Variants in HYAL1 observed in about 807,000 individuals in gnomAD.
HYAL1 encodes hyaluronidase-1.
HYAL1 carries 21 observed loss-of-function variants against 28.8 expected under a neutral mutation model. The observed-to-expected ratio is 0.73, with a 90% confidence interval of 0.52 to 1.05. HYAL1 has a LOEUF of 1.05. Ranked by LOEUF, HYAL1 falls within the 50% of genes least tolerant of loss-of-function variation. HYAL1 has a pLI of 0.00. For synonymous variants in HYAL1, 200 were observed against 230.1 expected (o/e 0.87, Z 1.18); for missense variants, 491 against 579.2 (o/e 0.85, Z 1.56).
rs1450910661 is a variant in HYAL1 at position 50,301,090 on chromosome 3, C to T, written c.901-13G>A. 1.9e-6 allele frequency: 3 copies of T among 1,583,704 alleles called. No individual in the cohort carries two copies. The East Asian group carries it at 6.7e-5, about 35-fold the overall frequency. On this transcript the variant is annotated splice_polypyrimidine_tract_variant and intron_variant, in intron 2 of 3. Transcript: ENST00000395144. ...GCTCCAGCTCATCCTGGGAAGGAGA[C>T]AGCACAGCTCTGTGGGGCCTCCTTC...
chr3:50,308,891 T>G lies in HYAL1; in HGVS notation c.-191+768A>C, dbSNP rs587632225. The stretch of plus-strand genomic sequence containing the variant: ...GATTACAGGTGCACACCACTACACC[T>G]GGCTAATTTTTGTATTTTTAGTAGA... On this transcript the variant is annotated intron_variant, in intron 2 of 5. Coordinates refer to the HYAL1 transcript ENST00000320295. Among the ~76,000 whole-genome samples the G allele has an allele frequency of 3.9e-4, 58 of 149,758 alleles. 3 individuals carry two copies. The highest frequency in any genetic ancestry group is 1.4e-3 in the African/African-American group (56 of 39,764).
chr3:50,306,219 CTT>C (rs1173166946), upstream of HYAL1, among the ~76,000 whole-genome samples: 58 of 84,434 alleles, frequency 6.9e-4, no homozygotes, highest in Middle Eastern at 8.1e-3. Context: ...CTGTACAACT[CTT>C]TTTTTTTTTT....
chr3:50,306,478 C>T (rs1255408146), upstream of HYAL1, among the ~76,000 whole-genome samples: 5 of 151,214 alleles, frequency 3.3e-5, no homozygotes, highest in African/African-American at 1.2e-4. Context: ...CATTTAACAA[C>T]CAGCTGGTGT....
intron 1 of HYAL1, among the ~76,000 whole-genome samples, chr3:50,310,291 G>A (rs1279313759): frequency 7.2e-6 from 1 of 138,880 alleles, no homozygotes; most frequent in Non-Finnish European, 1.5e-5. Flanking sequence ...TTGAGACAGA[G>A]TCCCGCTCTG....
intron 1 of HYAL1, among the ~76,000 whole-genome samples, chr3:50,311,839 C>T (rs1348673798): frequency 8.8e-5 from 12 of 136,692 alleles, no homozygotes; most frequent in Admixed American, 1.5e-4. Context: ...GCTGGCCAGG[C>T]GGGGGGCTGA....
At chr3:50,310,668 C>T (rs1487788424) in intron 1 of HYAL1, among the ~76,000 whole-genome samples, 2 of 148,240 alleles carry the variant, frequency 1.3e-5, no homozygotes, top group African/African-American at 5.0e-5. Context: ...GGCAGGGTCA[C>T]AGGACAATAG....
rs1354541662 is a variant in HYAL1 at position 50,301,069 on chromosome 3, C to T, written c.909G>A (p.Leu303=). ...CCGCACTCTCCCCCAGGCTGTGCTC[C>T]AGCTCATCCTGGGAAGGAGACAGCA... ...TTNHFLPLDE[L]EHSLGESAAQ... The change falls in exon 3 of 4, where the codon CTG becomes CTA. Residue 303 remains leucine, a synonymous_variant. Coordinates refer to ENST00000395144, the MANE Select transcript of HYAL1 (RefSeq NM_033159.4). The T allele has an allele frequency of 4.3e-6, 7 of 1,611,462 alleles. No individual in the cohort carries two copies. Among genetic ancestry groups the T allele is most frequent in the Non-Finnish European group, 5.9e-6 (7 of 1,178,006 alleles).
At chr3:50,311,137 T>C (rs1456076705) in intron 1 of HYAL1, among the ~76,000 whole-genome samples, 1 of 151,200 alleles carries the variant, frequency 6.6e-6, no homozygotes, top group African/African-American at 2.4e-5. Context: ...GACGGGGTGG[T>C]GGCCGGGCAG....
chr3:50,310,756 A>G (rs1167983358), intron 1 of HYAL1, among the ~76,000 whole-genome samples: 1 of 150,632 alleles, frequency 6.6e-6, no homozygotes, highest in African/African-American at 2.5e-5. Context: ...GGCCTTCCGC[A>G]GTGTTTGTGT....
intron 2 of HYAL1, among the ~76,000 whole-genome samples, chr3:50,309,461 C>CAAAAAA (rs59958240): frequency 8.2e-5 from 5 of 60,928 alleles, no homozygotes; most frequent in Admixed American, 3.0e-4. Flanking sequence ...CAGACTCCAC[C>CAAAAAA]AAAAAAAAAA....
intron 2 of HYAL1, among the ~76,000 whole-genome samples, chr3:50,301,344 G>A (rs587725380): frequency 4.6e-5 from 7 of 152,346 alleles, no homozygotes; most frequent in South Asian, 2.1e-4. Flanking sequence ...CGCCAGGCGC[G>A]GTGGCTCATA....
intron 1 of HYAL1, among the ~76,000 whole-genome samples, chr3:50,311,370 T>G (rs1472570774): frequency 2.3e-5 from 3 of 130,164 alleles, no homozygotes; most frequent in Non-Finnish European, 4.9e-5. Flanking sequence ...GAGGGGCTCC[T>G]CACTTCCCAG....
intron 1 of HYAL1, among the ~76,000 whole-genome samples, chr3:50,310,267 T>C (rs1428094859): frequency 2.7e-5 from 4 of 145,938 alleles, no homozygotes; most frequent in East Asian, 3.9e-4. Context: ...AGCTGTGTGT[T>C]TTTTTTTTTT....
chr3:50,301,740 C>G (rs910490526), intron 2 of HYAL1, among the ~76,000 whole-genome samples: 3 of 152,008 alleles, frequency 2.0e-5, no homozygotes, highest in Non-Finnish European at 2.9e-5. Context: ...ATCACGAGGT[C>G]AGGAGATTGA....
chr3:50,305,545 AT>A (rs1252898503), upstream of HYAL1, among the ~76,000 whole-genome samples: 4 of 104,890 alleles, frequency 3.8e-5, no homozygotes, highest in East Asian at 2.7e-4. Context: ...GCCTGGCCTA[AT>A]TTTTTTTTAG....
At chr3:50,307,447 G>A (rs587666608), upstream of HYAL1, among the ~76,000 whole-genome samples, 16 of 150,774 alleles carry the variant, frequency 1.1e-4, no homozygotes, top group East Asian at 1.6e-3. Flanking sequence ...TTGGGAGGCC[G>A]AGGCGGGCGG....
chr3:50,301,543 G>C (rs1408316302), intron 2 of HYAL1, among the ~76,000 whole-genome samples: 1 of 151,640 alleles, frequency 6.6e-6, no homozygotes, highest in African/African-American at 2.4e-5. Context: ...CTTGAATCCG[G>C]AAGGTGGAGG....
At chr3:50,305,778 C>T (rs993998175), upstream of HYAL1, among the ~76,000 whole-genome samples, 3 of 151,244 alleles carry the variant, frequency 2.0e-5, no homozygotes, top group Non-Finnish European at 4.4e-5. Flanking sequence ...TTGTGATCTG[C>T]CCACCTTGGC....
intron 3 of HYAL1, 60 bp downstream of exon 3, chr3:50,300,928 C>T (rs1438704402): frequency 1.1e-5 from 17 of 1,481,396 alleles, no homozygotes; most frequent in Middle Eastern, 1.9e-4. Context: ...GGGTCTACCC[C>T]GTCAGCTTAA....
Sources: allele counts gnomAD v4.1 joint callset (sites outside exome capture counted in the v4.1 genomes callset), GRCh38; gene constraint gnomAD v4.1.1; transcripts MANE v1.5; gene names NCBI Gene and HGNC (gene_info 2026-07-23, HGNC 2026-07-21).